TBCD: variants seen among roughly 807,000 people sequenced by gnomAD.
TBCD encodes the protein tubulin-specific chaperone D.
A neutral mutation model predicts 169.3 loss-of-function variants in TBCD; 105 were observed. The observed-to-expected ratio is 0.62, with a 90% CI of 0.53 to 0.73. The LOEUF (loss-of-function observed/expected upper bound fraction) is 0.73, where lower values mean the gene tolerates loss of function less well. Among genes scored for constraint, TBCD ranks in the 30% least tolerant of loss-of-function variants. The probability of loss-of-function intolerance (pLI) is 0.00; values close to 1 mark genes in which losing one functional copy is unlikely to be tolerated. For missense variants in TBCD, 1,444 were observed against 1,600.1 expected (o/e 0.90, Z 1.66); for synonymous variants, 700 against 643.9 (o/e 1.09, Z -1.32).
chr17:82,845,857 T>A (rs1310772642), intron 13 of TBCD, among the ~76,000 whole-genome samples: 1 of 152,228 alleles, frequency 6.6e-6, no homozygotes, highest in Non-Finnish European at 1.5e-5. Flanking sequence ...TGGATCTTCT[T>A]AAAATACAAG....
At position 82,881,682 on chromosome 17, in the gene TBCD, C is replaced by T. The variant is rs571131296; in HGVS notation, c.1476-2463C>T. On this transcript the variant is annotated intron_variant, in intron 14 of 38. Transcript: ENST00000355528. ...TCGTTGTGGAGCCCGCTCTGGGCCT[C>T]GGCACGTCTGAGCTTGATTGGGGTG... 1.9e-4 allele frequency among the ~76,000 whole-genome samples: 29 copies of T among 152,260 alleles called. No homozygotes were observed. In the South Asian group the frequency reaches 3.9e-3, roughly 21 times the overall value.
chr17:82,921,116 T>C (rs2279063), intron 24 of TBCD: 78,679 of 256,560 alleles, frequency 0.31, 13,635 homozygotes, highest in African/African-American at 0.5. Flanking sequence ...TTTTTGTTAA[T>C]TGAATAGCCT....
chr17:82,926,586 T>A (rs560669044), intron 28 of TBCD, 95 bp downstream of exon 28: 2 of 1,031,016 alleles, frequency 1.9e-6, no homozygotes, highest in Admixed American at 2.1e-5. Flanking sequence ...GCAGGACTTA[T>A]GATTCTTCAC....
chr17:82,919,538 A>G (rs1406970265), intron 23 of TBCD, among the ~76,000 whole-genome samples: 1 of 152,106 alleles, frequency 6.6e-6, no homozygotes, highest in Non-Finnish European at 1.5e-5. Flanking sequence ...GGGGCAGAGC[A>G]GACGTGTGGG....
intron 13 of TBCD, among the ~76,000 whole-genome samples, chr17:82,845,456 G>A (rs896940287): frequency 2.6e-4 from 31 of 121,406 alleles, no homozygotes; most frequent in Middle Eastern, 5.8e-3. Context: ...TCTCCATCTC[G>A]TCTGGCCCGG....
intron 13 of TBCD, among the ~76,000 whole-genome samples, chr17:82,825,994 C>G (rs1243543515): frequency 6.6e-6 from 1 of 152,246 alleles, no homozygotes; most frequent in Non-Finnish European, 1.5e-5. Context: ...AAGTTTTTCT[C>G]TCACAGAAAT....
chr17:82,927,772 G>A lies in TBCD; in HGVS notation c.2610-133G>A, dbSNP rs542297955. 4 of 737,216 alleles carry A rather than the reference G, an allele frequency of 5.4e-6. No homozygotes were observed. The South Asian group carries it at 6.7e-5, about 12-fold the overall frequency. 45.7% of individuals were successfully genotyped at this position (737,216 alleles called of 1,614,324 possible). ...ACCTCTGCAGGCCCCGTGACTCCCT[G>A]GCAGCGTGCCTGGGCTCTGTGTGGG... On this transcript the variant is annotated intron_variant, in intron 29 of 38. Transcript: ENST00000355528.
At chr17:82,784,054 G>C (rs1292265143) in intron 7 of TBCD, among the ~76,000 whole-genome samples, 1 of 152,024 alleles carries the variant, frequency 6.6e-6, no homozygotes, top group Non-Finnish European at 1.5e-5. Flanking sequence ...GAACCTGGGA[G>C]GCGGAGGTTG....
chr17:82,930,535 C>T lies in TBCD; in HGVS notation c.3005C>T (p.Thr1002Ile), dbSNP rs1417229963. The T allele has an allele frequency of 1.2e-6, 2 of 1,613,438 alleles. No individual in the cohort carries two copies. Among genetic ancestry groups the T allele is most frequent in the Non-Finnish European group, 1.7e-6 (2 of 1,179,766 alleles). ...TCCGTGTTGCAGATCCGGCACTCCACCCAGAGCCTCTTTGAGTACATGAAG... is the reference window on the plus strand; with the variant it reads ...TCCGTGTTGCAGATCCGGCACTCCATCCAGAGCCTCTTTGAGTACATGAAG... ...GLTESTIRHS[T>I]QSLFEYMKGI... Residue 1002 changes from threonine to isoleucine, a missense_variant, in exon 33 of 39, where the codon ACC (threonine) becomes ATC (isoleucine). Thr to Ile is a moderately conservative substitution (Grantham distance 89). Coordinates refer to ENST00000355528, the MANE Select transcript of TBCD (RefSeq NM_005993.5). The surrounding 1 kb of genome is among the most constrained non-coding windows in gnomAD (Gnocchi z 5.2).
intron 13 of TBCD, among the ~76,000 whole-genome samples, chr17:82,845,656 G>A (rs1428302197): frequency 1.3e-5 from 2 of 151,392 alleles, no homozygotes; most frequent in Non-Finnish European, 2.9e-5. Flanking sequence ...AGCCCACCCC[G>A]GTCCCTTCCG....
At chr17:82,867,415 G>A (rs1349414537) in intron 13 of TBCD, among the ~76,000 whole-genome samples, 2 of 152,238 alleles carry the variant, frequency 1.3e-5, no homozygotes, top group Non-Finnish European at 2.9e-5. Context: ...GGGCTGCCTG[G>A]AGTGGTGTTG....
chr17:82,847,715 G>C (rs1029450324), intron 13 of TBCD, among the ~76,000 whole-genome samples: 3 of 152,224 alleles, frequency 2.0e-5, no homozygotes. Context: ...TCCGCCTCCC[G>C]AGTTCAAGTC....
rs746253088 is a variant in TBCD, at chr17:82,900,736, G to C, written c.1730+5G>C. ...GAAGATCAGCCACTGGGATGGGTAGGTTTTCTGTTTTTGTTTTTCTAAGAG... is the reference window on the plus strand; with the variant it reads ...GAAGATCAGCCACTGGGATGGGTAGCTTTTCTGTTTTTGTTTTTCTAAGAG... On this transcript the variant is annotated splice_donor_5th_base_variant and intron_variant, in intron 18 of 38. Transcript: ENST00000355528. The C allele has an allele frequency of 6.2e-7, 1 of 1,613,072 alleles. No individual in the cohort carries two copies. Among genetic ancestry groups the C allele is most frequent in the Non-Finnish European group, 8.5e-7 (1 of 1,179,044 alleles).
intron 13 of TBCD, among the ~76,000 whole-genome samples, chr17:82,842,735 C>A (rs921804574): frequency 2.7e-5 from 4 of 150,908 alleles, no homozygotes; most frequent in African/African-American, 9.7e-5. Flanking sequence ...GGCCAGAAAT[C>A]ATTTACCTTC....
Position 82,927,262 on chromosome 17 carries a change from T to C in TBCD, c.2548T>C (p.Cys850Arg), listed in dbSNP as rs1218431713. 1 of 1,614,044 alleles carries C rather than the reference T, an allele frequency of 6.2e-7. No homozygotes were observed. Among genetic ancestry groups the C allele is most frequent in the Admixed American group, 1.7e-5 (1 of 60,026 alleles). ...VCGENVSQIY[C>R]ALLGCMDDYT... is the part of the protein sequence containing the mutation. ...CGGAGAGAATGTTTCCCAGATTTACTGTGCGCTGCTGGGCTGCATGGACGA... is the reference window on the plus strand; with the variant it reads ...CGGAGAGAATGTTTCCCAGATTTACCGTGCGCTGCTGGGCTGCATGGACGA... The change falls in exon 29 of 39, where the codon TGT becomes CGT. Residue 850 changes from cysteine (C) to arginine (R), a missense_variant. By Grantham distance (180) the Cys-to-Arg change is radical (BLOSUM62 -3). Transcript: ENST00000355528.
intron 7 of TBCD, among the ~76,000 whole-genome samples, chr17:82,791,629 C>A (rs1161589597): frequency 6.6e-6 from 1 of 152,196 alleles, no homozygotes; most frequent in Non-Finnish European, 1.5e-5. Context: ...AGCCAGAAGG[C>A]TCAGTGATGG....
chr17:82,799,575 C>T (rs1346430390), intron 8 of TBCD, among the ~76,000 whole-genome samples: 2 of 152,136 alleles, frequency 1.3e-5, no homozygotes, highest in Non-Finnish European at 2.9e-5. Context: ...CCCCGTGTCT[C>T]TCTCAGGAGT....
intron 23 of TBCD, among the ~76,000 whole-genome samples, chr17:82,914,835 A>G (rs150592971): frequency 1.7e-3 from 266 of 152,142 alleles, no homozygotes; most frequent in Admixed American, 5.4e-3. Flanking sequence ...TCATTTTTAC[A>G]CTTCGTAGGA....
At chr17:82,841,489 T>C (rs145897026) in intron 13 of TBCD, among the ~76,000 whole-genome samples, 4 of 152,218 alleles carry the variant, frequency 2.6e-5, no homozygotes, top group African/African-American at 9.6e-5. Context: ...GAGAATTTTT[T>C]GTAGAGACAG....
Sources: allele counts gnomAD v4.1 joint callset (sites outside exome capture counted in the v4.1 genomes callset), GRCh38; gene constraint gnomAD v4.1.1; non-coding constraint Gnocchi (gnomAD v3.1); transcripts MANE v1.5; gene names NCBI Gene and HGNC (gene_info 2026-07-23, HGNC 2026-07-21).